The following CGN variants were observed in gnomAD, a reference collection of about 807,000 sequenced individuals.
CGN encodes cingulin.
A neutral mutation model predicts 157.1 loss-of-function variants in CGN; 121 were observed. That is an observed-to-expected ratio of 0.77 (90% CI 0.66 to 0.90). The LOEUF is 0.90. Among genes scored for constraint, CGN ranks in the 40% least tolerant of loss-of-function variants. The pLI, the probability that CGN is intolerant of heterozygous loss-of-function variation, is 0.00. For synonymous variants in CGN, 535 were observed against 607.5 expected, an observed-to-expected ratio of 0.88 and a Z score of 1.76; for missense variants, 1,424 against 1,520.9, an observed-to-expected ratio of 0.94 and a Z score of 1.06.
At position 151,530,759 on chromosome 1, in the gene CGN, G is replaced by A. The variant is rs1194896572; in HGVS notation, c.2571+13G>A. On this transcript the variant is annotated intron_variant, in intron 13 of 20. Transcript: ENST00000271636. ...ACTGAACAAGGAGGTGGGGCATGGG[G>A]TATTCTGGGCCTTTAGGAAGAGGCC... The A allele has an allele frequency of 3.9e-6, 6 of 1,551,278 alleles. No individual in the cohort carries two copies. Among genetic ancestry groups the A allele is most frequent in the Admixed American group, 2.0e-5 (1 of 50,992 alleles).
intron 1 of CGN, among the ~76,000 whole-genome samples, chr1:151,518,242 G>T: frequency 6.6e-6 from 1 of 152,168 alleles, no homozygotes; most frequent in Non-Finnish European, 1.5e-5. Flanking sequence ...TCAAAGTGTG[G>T]TACCTGGACC....
chr1:151,520,577 C>T lies in CGN; in HGVS notation c.1045-19C>T, dbSNP rs201828528. ...CTTGGACTCACTCCCTTCCCCCACA[C>T]CCCCCATATCTCTGGCAGATGGTTT... On this transcript the variant is annotated intron_variant, in intron 4 of 20. Transcript: ENST00000271636. 9 of 1,612,908 alleles carry T rather than the reference C, an allele frequency of 5.6e-6. No homozygotes were observed. The East Asian group carries it at 1.1e-4, about 20-fold the overall frequency.
chr1:151,518,891 TG>T lies in CGN; in HGVS notation c.376del (p.Ala126ProfsTer34), dbSNP rs776650337. 9 of 1,614,056 alleles carry T rather than the reference TG, an allele frequency of 5.6e-6. No homozygotes were observed. The highest frequency in any genetic ancestry group is 7.6e-6 in the Non-Finnish European group (9 of 1,179,968). ...AGAGCAGCACATCTGATGAGGAGCC[TG>T]GGGCCTACTGGAATGGAAAGCTACT... ...SQSSTSDEEP[G>X]AYWNGKLLRS... is the part of the protein sequence containing the mutation. On this transcript the variant is annotated frameshift_variant, in exon 2 of 21. Transcript: ENST00000271636. LOFTEE classifies it high-confidence loss of function.
chr1:151,520,378 T>A (rs1202174031), intron 3 of CGN, 36 bp from the exon 4 acceptor site: 1 of 1,592,712 alleles, frequency 6.3e-7, no homozygotes, highest in Admixed American at 1.7e-5. Context: ...ACCTCTTTCC[T>A]CCCCTAACCC....
rs150158164 is a variant in CGN, at chr1:151,536,634, A to C, written c.3307-96A>C. 1.6e-3 allele frequency: 2,078 copies of C among 1,304,084 alleles called. 21 individuals carry two copies. The highest frequency in any genetic ancestry group is 0.015 in the African/African-American group (1,029 of 67,720). The allele number at this position is 1,304,084 out of a possible 1,614,324, so 80.8% of individuals were successfully genotyped here. On this transcript the variant is annotated intron_variant, in intron 19 of 20. Transcript: ENST00000271636. ...AACTTGCCCAAGGCCACATTTTTCC[A>C]GCGGCAATTATACCTTGTCAAGATT...
In CGN at chr1:151,536,724, G is replaced by A. The variant is rs1335909462; in HGVS notation, c.3307-6G>A. On this transcript the variant is annotated splice_region_variant and splice_polypyrimidine_tract_variant and intron_variant, in intron 19 of 20. Transcript: ENST00000271636. ...TTCAGATGTGTGGACTTGGTATCCT[G>A]CCCAGCTAAGCCTGAGGGTGAAGGC... The A allele has an allele frequency of 6.2e-7, 1 of 1,613,920 alleles. No homozygotes were observed. The highest frequency in any genetic ancestry group is 8.5e-7 in the Non-Finnish European group (1 of 1,179,952).
Position 151,524,938 on chromosome 1 carries a change from G to A in CGN, c.1614+52G>A. ...GAGGAGGGCACTGCTGGAGAACAAG[G>A]CTGCCTTGGGATCTTGGACTTTTGG... On this transcript the variant is annotated intron_variant, in intron 8 of 20. Coordinates refer to ENST00000271636, the MANE Select transcript of CGN (RefSeq NM_020770.3). The surrounding 1 kb of genome is among the most constrained non-coding windows in gnomAD (Gnocchi z 4.4). 6.7e-7 allele frequency: 1 copy of A among 1,490,776 alleles called. No homozygotes were observed. Among genetic ancestry groups the A allele is most frequent in the Non-Finnish European group, 9.2e-7 (1 of 1,086,022 alleles). The allele number at this position is 1,490,776 out of a possible 1,614,324, so 92.3% of individuals were successfully genotyped here.
Position 151,525,806 on chromosome 1 carries a change from C to G in CGN, c.1763+16C>G, listed in dbSNP as rs776096837. The G allele has an allele frequency of 2.7e-6, 4 of 1,507,478 alleles. No individual in the cohort carries two copies. Among genetic ancestry groups the G allele is most frequent in the East Asian group, 2.6e-5 (1 of 38,856 alleles). 93.4% of individuals were successfully genotyped at this position (1,507,478 alleles called of 1,614,324 possible). A position where few individuals can be genotyped will look rare whatever the true frequency, so the allele number is the denominator to read the frequency against. On this transcript the variant is annotated intron_variant, in intron 9 of 20. Transcript: ENST00000271636. ...CCAAGCAGGAGTAAGGACATTGGCC[C>G]TCTCAGAAATACCCATGATTCATAT...
rs1235607115 is a variant in CGN at position 151,530,657 on chromosome 1, A to AAGC, written c.2486_2488dup (p.Gln829dup). 1.9e-6 allele frequency: 3 copies of AAGC among 1,581,542 alleles called. No individual in the cohort carries two copies. Among genetic ancestry groups the AAGC allele is most frequent in the Admixed American group, 1.9e-5 (1 of 53,930 alleles). The stretch of plus-strand genomic sequence containing the variant: ...GAACCGGGCCCTGGAGGAGGAAGGG[A>AAGC]AGCAGCGGGAGGTGCTCCGGCGAGG... On this transcript the variant is annotated inframe_insertion, in exon 13 of 21. Coordinates refer to ENST00000271636, the MANE Select transcript of CGN (RefSeq NM_020770.3).
chr1:151,536,683 A>G, intron 19 of CGN, 47 bp from the exon 20 acceptor site: 2 of 1,593,764 alleles, frequency 1.3e-6, no homozygotes, highest in Non-Finnish European at 8.6e-7. Context: ...GTCCCAGGCC[A>G]TGGTAGTAGA....
Position 151,535,786 on chromosome 1 carries a change from G to A in CGN, c.3085G>A (p.Asp1029Asn), listed in dbSNP as rs768055017. ...GGCTTCCTGTCCCTCTCAGAACAAG[G>A]ACCTGAAGACCCGGTTGGCCAGCTC... Reference protein sequence around the residue: ...DKISLERQNKDLKTRLASSEG... With the variant: ...DKISLERQNKNLKTRLASSEG... Residue 1029 changes from aspartate (D) to asparagine (N), a missense_variant, in exon 18 of 21, where the codon GAC becomes AAC. Around this residue, in one of 3 missense-constraint regions of CGN, gnomAD observed 199 missense variants for 272.2 expected, o/e 0.73. Transcript: ENST00000271636. 1 of 1,614,078 alleles carries A rather than the reference G, an allele frequency of 6.2e-7. No homozygotes were observed. The highest frequency in any genetic ancestry group is 8.5e-7 in the Non-Finnish European group (1 of 1,179,958).
In CGN at chr1:151,527,060, G is replaced by T. The variant is rs752554058; in HGVS notation, c.1849G>T (p.Ala617Ser). Reference sequence around the variant, plus strand: ...GGTCTTGCAGAGGGAATTAGAGCAGGCCCGAGCTAGTGCTGGAGATACTCG... The same window carrying T: ...GGTCTTGCAGAGGGAATTAGAGCAGTCCCGAGCTAGTGCTGGAGATACTCG... ...IEVLQRELEQ[A>S]RASAGDTRQV... The change falls in exon 10 of 21, where the codon GCC (alanine) becomes TCC (serine). Residue 617 changes from alanine (A) to serine (S), a missense_variant. Around this residue, in one of 3 missense-constraint regions of CGN, gnomAD observed 1,187 missense variants for 1,217.6 expected, o/e 0.97. Coordinates refer to ENST00000271636, the MANE Select transcript of CGN (RefSeq NM_020770.3). The T allele has an allele frequency of 3.1e-6, 5 of 1,614,204 alleles. No homozygotes were observed. Among genetic ancestry groups the T allele is most frequent in the Non-Finnish European group, 4.2e-6 (5 of 1,180,032 alleles).
Position 151,511,750 on chromosome 1 carries a change from G to A in CGN, c.-15+235G>A, listed in dbSNP as rs1022701499. ...AGGTGCCAGGCGAGGGGCACCTGGG[G>A]CGAAGGCTGTTCCCAGCGCATGAAA... On this transcript the variant is annotated intron_variant, in intron 1 of 20. Coordinates refer to ENST00000271636, the MANE Select transcript of CGN (RefSeq NM_020770.3). The surrounding 1 kb of genome is among the most constrained non-coding windows in gnomAD (Gnocchi z 4.8). Among the ~76,000 whole-genome samples, 6 of 152,204 alleles carry A rather than the reference G, an allele frequency of 3.9e-5. No homozygotes were observed. Among genetic ancestry groups the A allele is most frequent in the Non-Finnish European group, 5.9e-5 (4 of 68,026 alleles).
At chr1:151,523,663 T>G in intron 6 of CGN, 102 bp downstream of exon 6, 6 of 1,190,846 alleles carry the variant, frequency 5.0e-6, no homozygotes, top group Non-Finnish European at 6.9e-6. Flanking sequence ...CAGAAGGAAA[T>G]CTCCAGAAGC....
In CGN at chr1:151,523,537, G is replaced by C; in HGVS notation, c.1244G>C (p.Gly415Ala). 2 of 1,611,632 alleles carry C rather than the reference G, an allele frequency of 1.2e-6. No individual in the cohort carries two copies. The highest frequency in any genetic ancestry group is 1.1e-5 in the South Asian group (1 of 90,716). Residue 415 changes from glycine to alanine, a missense_variant, in exon 6 of 21, where the codon GGG (glycine) becomes GCG (alanine). This residue lies in a region of CGN where 1,187 missense variants were observed against 1,217.6 expected (regional missense o/e 0.97). Coordinates refer to ENST00000271636, the MANE Select transcript of CGN (RefSeq NM_020770.3). ...CAGGAGCTGCTGGAGAGGAGGAAGG[G>C]GGAGGCCCAGCAGAGCAACAAGGAG... Reference protein sequence around the residue: ...RLQELLERRKGEAQQSNKELQ... With the variant: ...RLQELLERRKAEAQQSNKELQ...
At chr1:151,529,249 G>C (rs148339796) in intron 10 of CGN, 101 bp from the exon 11 acceptor site, 33 of 1,011,032 alleles carry the variant, frequency 3.3e-5, no homozygotes, top group East Asian at 1.5e-4. Flanking sequence ...GGCCACATCA[G>C]TTTTTATTCC....
At chr1:151,535,173 A>G (rs757037130) in intron 16 of CGN, 42 bp downstream of exon 16, 2 of 1,445,218 alleles carry the variant, frequency 1.4e-6, no homozygotes, top group East Asian at 2.3e-5. Context: ...CCCTGACTGC[A>G]TCACCTCTTG....
At chr1:151,533,929 C>T (rs1367955343) in intron 14 of CGN, 46 bp from the exon 15 acceptor site, 3 of 1,548,276 alleles carry the variant, frequency 1.9e-6, no homozygotes, top group Admixed American at 2.2e-5. Flanking sequence ...CCTCAACCCT[C>T]ACCTTCTCAC....
chr1:151,537,454 C>A lies in CGN; in HGVS notation c.*108C>A. ...CATTCCTATGGGTGACCCAATTATT[C>A]AGACCTAAGACAGGGAGGGGTCAGA... On this transcript the variant is annotated 3_prime_UTR_variant, in exon 21 of 21. Transcript: ENST00000271636. 1 of 968,144 alleles carries A rather than the reference C, an allele frequency of 1.0e-6. No homozygotes were observed. The highest frequency in any genetic ancestry group is 1.5e-6 in the Non-Finnish European group (1 of 664,656). 60.0% of individuals were successfully genotyped at this position (968,144 alleles called of 1,614,324 possible). A position where few individuals can be genotyped will look rare whatever the true frequency, so the allele number is the denominator to read the frequency against.
Sources: allele counts gnomAD v4.1 joint callset (sites outside exome capture counted in the v4.1 genomes callset), GRCh38; gene constraint gnomAD v4.1.1; regional missense constraint gnomAD v4.1.1; non-coding constraint Gnocchi (gnomAD v3.1); transcripts MANE v1.5; gene names NCBI Gene and HGNC (gene_info 2026-07-23, HGNC 2026-07-21).